Variants in RPS6KB1 observed in about 807,000 individuals in gnomAD.
RPS6KB1 encodes ribosomal protein S6 kinase beta-1.
Under a neutral mutation model 70.2 loss-of-function variants are expected in RPS6KB1, and 12 were observed. That is an observed-to-expected ratio of 0.17 (90% CI 0.11 to 0.28). The LOEUF is 0.28. Among genes scored for constraint, RPS6KB1 ranks in the 10% least tolerant of loss-of-function variants. The pLI, the probability that RPS6KB1 is intolerant of heterozygous loss-of-function variation, is 1.00. For synonymous variants in RPS6KB1, 175 were observed against 211.2 expected (o/e 0.83, Z 1.49); for missense variants, 270 against 646.6 (o/e 0.42, Z 6.32).
chr17:59,922,693 C>T (rs1185182439), intron 4 of RPS6KB1, among the ~76,000 whole-genome samples: 6 of 150,598 alleles, frequency 4.0e-5, no homozygotes, highest in East Asian at 2.0e-4. Context: ...TACAGGCGTG[C>T]GCCATCGCGC....
chr17:59,919,086 C>G (rs2043124454), intron 4 of RPS6KB1, among the ~76,000 whole-genome samples: 1 of 152,120 alleles, frequency 6.6e-6, no homozygotes, highest in Non-Finnish European at 1.5e-5. Flanking sequence ...CCACCTAGGC[C>G]TCAATAACCC....
At chr17:59,894,052 T>A in intron 1 of RPS6KB1, 1 of 682,068 alleles carries the variant, frequency 1.5e-6, no homozygotes, top group Non-Finnish European at 1.8e-6. Context: ...TCAGAATAAT[T>A]AATGTAATTT....
Position 59,947,129 on chromosome 17 carries a change from T to G in RPS6KB1, c.*341T>G. ...CTGAATCACTGTTGAGTTCTGATTG[T>G]GTTGAAGAAGGGTTATCCTTTCATT... On this transcript the variant is annotated 3_prime_UTR_variant, in exon 15 of 15. Coordinates refer to ENST00000225577, the MANE Select transcript of RPS6KB1 (RefSeq NM_003161.4). The G allele has an allele frequency of 9.0e-7, 1 of 1,108,126 alleles. No individual in the cohort carries two copies. The highest frequency in any genetic ancestry group is 1.6e-5 in the African/African-American group (1 of 62,256). The allele number at this position is 1,108,126 out of a possible 1,614,324, so 68.6% of individuals were successfully genotyped here.
intron 7 of RPS6KB1, among the ~76,000 whole-genome samples, chr17:59,932,276 A>G (rs1205475845): frequency 6.6e-6 from 1 of 151,500 alleles, no homozygotes; most frequent in East Asian, 1.9e-4. Flanking sequence ...GCTGGGCATG[A>G]TGGTGGGTGC....
chr17:59,932,325 T>C (rs1361695667), intron 7 of RPS6KB1, among the ~76,000 whole-genome samples: 1 of 151,442 alleles, frequency 6.6e-6, no homozygotes, highest in East Asian at 1.9e-4. Flanking sequence ...GGTGGGAGAA[T>C]CGCCTGAACC....
In RPS6KB1 at chr17:59,934,397, G is replaced by C. The variant is rs1447465360; in HGVS notation, c.780-37G>C. On this transcript the variant is annotated intron_variant, in intron 8 of 14. Coordinates refer to ENST00000225577, the MANE Select transcript of RPS6KB1 (RefSeq NM_003161.4). The surrounding 1 kb of genome is among the most constrained non-coding windows in gnomAD (Gnocchi z 4.8). Reference sequence around the variant, plus strand: ...ATTCTAATTCAGATGATATGCAAATGGGTGAATTTTTAAGCATATTATTTT... The same window carrying C: ...ATTCTAATTCAGATGATATGCAAATCGGTGAATTTTTAAGCATATTATTTT... 11 of 1,563,684 alleles carry C rather than the reference G, an allele frequency of 7.0e-6. No individual in the cohort carries two copies. The highest frequency in any genetic ancestry group is 9.7e-6 in the Non-Finnish European group (11 of 1,134,702).
At chr17:59,904,572 T>C (rs1300792267) in intron 1 of RPS6KB1, among the ~76,000 whole-genome samples, 2 of 151,242 alleles carry the variant, frequency 1.3e-5, no homozygotes, top group African/African-American at 2.4e-5. Flanking sequence ...TTTTGTAGTT[T>C]TAGTAGAGAT....
intron 7 of RPS6KB1, among the ~76,000 whole-genome samples, chr17:59,932,517 T>C (rs1305536639): frequency 6.6e-6 from 1 of 151,862 alleles, no homozygotes; most frequent in Non-Finnish European, 1.5e-5. Flanking sequence ...TGATAAAACT[T>C]TGGAAATATG....
Position 59,934,336 on chromosome 17 carries a change from T to G in RPS6KB1, c.779+76T>G. 1 of 1,453,450 alleles carries G rather than the reference T, an allele frequency of 6.9e-7. No individual in the cohort carries two copies. Among genetic ancestry groups the G allele is most frequent in the Non-Finnish European group, 9.7e-7 (1 of 1,034,498 alleles). 90.0% of individuals were successfully genotyped at this position (1,453,450 alleles called of 1,614,324 possible). ...CTGTTTTAAGGAATAGTATCTGTTT[T>G]CTGTACCCTCATTGACTCTGTATAT... is the stretch of plus-strand genomic sequence containing the variant. On this transcript the variant is annotated intron_variant, in intron 8 of 14. Transcript: ENST00000225577. The surrounding 1 kb of genome is among the most constrained non-coding windows in gnomAD (Gnocchi z 4.8).
chr17:59,936,105 C>T, intron 10 of RPS6KB1, 110 bp from the exon 11 acceptor site: 5 of 960,568 alleles, frequency 5.2e-6, no homozygotes, highest in South Asian at 3.0e-5. Flanking sequence ...CTGTGCCTGG[C>T]CAATAAACTA....
In RPS6KB1 at chr17:59,934,799, A is replaced by T. The variant is rs1342457425; in HGVS notation, c.870+275A>T. The T allele has an allele frequency of 7.0e-6, 3 of 427,540 alleles. No individual in the cohort carries two copies. The highest frequency in any genetic ancestry group is 6.0e-5 in the African/African-American group (3 of 49,930). 26.5% of individuals were successfully genotyped at this position (427,540 alleles called of 1,614,324 possible). Reference sequence around the variant, plus strand: ...TTTATAAATGGAGAAATTGAAGCATAAAATCACATAGCTCACTTATCACAC... The same window carrying T: ...TTTATAAATGGAGAAATTGAAGCATTAAATCACATAGCTCACTTATCACAC... On this transcript the variant is annotated intron_variant, in intron 9 of 14. Coordinates refer to ENST00000225577, the MANE Select transcript of RPS6KB1 (RefSeq NM_003161.4). This position sits in a 1 kb window ranked among gnomAD's most constrained non-coding sequence, Gnocchi z 4.8.
At chr17:59,904,379 C>G (rs533506117) in intron 1 of RPS6KB1, among the ~76,000 whole-genome samples, 2 of 150,378 alleles carry the variant, frequency 1.3e-5, no homozygotes, top group African/African-American at 4.9e-5. Context: ...GCGCACAGCC[C>G]GGAGTAATTC....
rs181351265 is a variant in RPS6KB1, at chr17:59,928,743, A to C, written c.530-1374A>C. Among the ~76,000 whole-genome samples the C allele has an allele frequency of 3.3e-5, 5 of 152,154 alleles. No individual in the cohort carries two copies. In the East Asian group the frequency reaches 9.7e-4, roughly 29 times the overall value. On this transcript the variant is annotated intron_variant, in intron 5 of 14. Coordinates refer to ENST00000225577, the MANE Select transcript of RPS6KB1 (RefSeq NM_003161.4). ...GGAAATTAACATTGATGCAATTATA[A>C]CTCTTCTTAGTTTCCTTTAATCTGG...
chr17:59,919,099 C>G (rs1363249300), intron 4 of RPS6KB1, among the ~76,000 whole-genome samples: 1 of 152,134 alleles, frequency 6.6e-6, no homozygotes, highest in African/African-American at 2.4e-5. Context: ...AATAACCCAT[C>G]CACTGCGCCT....
At chr17:59,903,866 T>C (rs535228478) in intron 1 of RPS6KB1, among the ~76,000 whole-genome samples, 6 of 152,110 alleles carry the variant, frequency 3.9e-5, no homozygotes, top group Non-Finnish European at 8.8e-5. Context: ...ATTCAGATCC[T>C]AGCTCATTTT....
intron 6 of RPS6KB1, chr17:59,930,528 T>A (rs1400769475): frequency 3.5e-5 from 7 of 197,522 alleles, no homozygotes; most frequent in Admixed American, 2.9e-4. Context: ...CCTTTTTTTT[T>A]AGGCTTTCTA....
chr17:59,943,523 C>T (rs2044734828), intron 13 of RPS6KB1, among the ~76,000 whole-genome samples: 1 of 152,008 alleles, frequency 6.6e-6, no homozygotes, highest in Non-Finnish European at 1.5e-5. Context: ...ATGAATAGAG[C>T]AACTCATTTG....
chr17:59,909,651 C>T (rs898095828), intron 1 of RPS6KB1, among the ~76,000 whole-genome samples: 37 of 151,762 alleles, frequency 2.4e-4, no homozygotes, highest in Non-Finnish European at 4.0e-4. Context: ...CCGAGGAGGG[C>T]GGATCACCTG....
intron 12 of RPS6KB1, among the ~76,000 whole-genome samples, chr17:59,939,901 C>T (rs1300028646): frequency 6.6e-6 from 1 of 152,046 alleles, no homozygotes; most frequent in East Asian, 1.9e-4. Context: ...AAGAGTCTAA[C>T]CAGATATTTT....
Sources: gnomAD v4.1 joint callset for allele counts (sites outside exome capture counted in the v4.1 genomes callset) on GRCh38, gnomAD v4.1.1 for gene constraint, Gnocchi (gnomAD v3.1) non-coding constraint, MANE v1.5 for transcripts, NCBI Gene and HGNC (gene_info 2026-07-23, HGNC 2026-07-21) for gene names.